RNF207: variants seen among roughly 807,000 people sequenced by gnomAD.
The protein encoded by RNF207 is OTTHUMG00000001089.
Under a neutral mutation model 79.0 loss-of-function variants are expected in RNF207, and 72 were observed. The observed-to-expected ratio is 0.91, with a 90% CI of 0.75 to 1.11. RNF207 has a LOEUF of 1.11. Ranked by LOEUF, RNF207 falls within the 50% of genes least tolerant of loss-of-function variation. The pLI is 0.00. For missense variants in RNF207, 936 were observed against 855.8 expected (o/e 1.09, Z -1.17); for synonymous variants, 348 against 366.2 (o/e 0.95, Z 0.57).
At position 6,212,079 on chromosome 1, in the gene RNF207, G is replaced by C. The variant is rs753245613; in HGVS notation, c.1296+26G>C. The C allele has an allele frequency of 3.9e-5, 62 of 1,577,150 alleles. 1 individual carries two copies. Among genetic ancestry groups the C allele is most frequent in the Admixed American group, 1.6e-4 (9 of 56,346 alleles). ...GTGAGGGGGCAGGGATCTGCCGGAG[G>C]GGGGAGATGTCCTAACCCACTCCTC... On this transcript the variant is annotated intron_variant, in intron 13 of 17. Transcript: ENST00000377939.
Position 6,207,415 on chromosome 1 carries a change from G to A in RNF207, c.228G>A (p.Pro76=), listed in dbSNP as rs1407778273. Residue 76 remains proline, a synonymous_variant, in exon 3 of 18, where the codon CCG becomes CCA. Coordinates refer to ENST00000377939, the MANE Select transcript of RNF207 (RefSeq NM_207396.3). The surrounding 1 kb of genome is among the most constrained non-coding windows in gnomAD (Gnocchi z 4.5). ...QTVLKGPSGL[P]PVDRLLQFLV... ...TGCTGAAGGGTCCCAGCGGGCTCCCGCCGGTGGACCGGCTGCTGCAGTTCC... is the reference window on the plus strand; with the variant it reads ...TGCTGAAGGGTCCCAGCGGGCTCCCACCGGTGGACCGGCTGCTGCAGTTCC... 6.4e-6 allele frequency: 10 copies of A among 1,550,542 alleles called. No homozygotes were observed. Among genetic ancestry groups the A allele is most frequent in the Middle Eastern group, 2.2e-4 (1 of 4,480 alleles).
At chr1:6,216,413 C>T (rs918862744) in intron 16 of RNF207, among the ~76,000 whole-genome samples, 1 of 152,182 alleles carries the variant, frequency 6.6e-6, no homozygotes, top group South Asian at 2.1e-4. Context: ...TGGATGTCTG[C>T]AGTTGCTCCC....
At position 6,207,932 on chromosome 1, in the gene RNF207, G is replaced by C. The variant is rs1329695341; in HGVS notation, c.324+421G>C. ...TCCCTCTGGGCTGTAAAAGGCACAGGGGACTCTGGCCTGCGGAGGCCAGAA... is the reference window on the plus strand; with the variant it reads ...TCCCTCTGGGCTGTAAAAGGCACAGCGGACTCTGGCCTGCGGAGGCCAGAA... On this transcript the variant is annotated intron_variant, in intron 3 of 17. Transcript: ENST00000377939. This position sits in a 1 kb window ranked among gnomAD's most constrained non-coding sequence, Gnocchi z 4.5. 2 of 351,924 alleles carry C rather than the reference G, an allele frequency of 5.7e-6. No homozygotes were observed. The highest frequency in any genetic ancestry group is 1.1e-5 in the Non-Finnish European group (2 of 176,848). 21.8% of individuals were successfully genotyped at this position (351,924 alleles called of 1,614,324 possible). A position where few individuals can be genotyped will look rare whatever the true frequency, so the allele number is the denominator to read the frequency against.
chr1:6,210,618 T>C, intron 10 of RNF207, 180 bp downstream of exon 10: 2 of 631,912 alleles, frequency 3.2e-6, no homozygotes, highest in Non-Finnish European at 5.5e-6. Flanking sequence ...ACAAGGACAG[T>C]GAAGCCAGGA....
chr1:6,219,124 A>T, intron 17 of RNF207, 112 bp from the exon 18 acceptor site: 1 of 909,436 alleles, frequency 1.1e-6, no homozygotes, highest in Non-Finnish European at 1.7e-6. Flanking sequence ...TCACTCACTG[A>T]GGCCTTCCAG....
chr1:6,211,071 G>A lies in RNF207; in HGVS notation c.1062G>A (p.Leu354=). The A allele has an allele frequency of 2.5e-6, 4 of 1,607,078 alleles. No homozygotes were observed. Among genetic ancestry groups the A allele is most frequent in the Non-Finnish European group, 3.4e-6 (4 of 1,179,134 alleles). The change falls in exon 12 of 18, where the codon CTG becomes CTA. Residue 354 remains leucine, a synonymous_variant. Transcript: ENST00000377939. The surrounding 1 kb of genome is among the most constrained non-coding windows in gnomAD (Gnocchi z 4.2). ...AEFARCLEPL[L]LLGPRRVAAA... is the part of the protein sequence containing the mutation. ...TCGCGCGCTGTCTGGAGCCACTGCT[G>A]CTGCTGGGGCCACGTCGGGTGGCAG...
rs552508881 is a variant in RNF207, at chr1:6,211,119, G to A, written c.1109+1G>A. ...CAGCTGCTGCAAGTGGTGCTAACAC[G>A]TGAGCAGCAACCGGGGAGGCCAGGC... On this transcript the variant is annotated splice_donor_variant, in intron 12 of 17. Coordinates refer to ENST00000377939, the MANE Select transcript of RNF207 (RefSeq NM_207396.3). LOFTEE classifies it high-confidence loss of function. The surrounding 1 kb of genome is among the most constrained non-coding windows in gnomAD (Gnocchi z 4.2). The A allele has an allele frequency of 7.6e-6, 12 of 1,581,278 alleles. No homozygotes were observed. The highest frequency in any genetic ancestry group is 4.5e-5 in the East Asian group (2 of 44,096).
Position 6,209,409 on chromosome 1 carries a change from C to T in RNF207, c.628-5C>T. 1 of 1,522,956 alleles carries T rather than the reference C, an allele frequency of 6.6e-7. No homozygotes were observed. The highest frequency in any genetic ancestry group is 1.2e-5 in the South Asian group (1 of 81,834). The allele number at this position is 1,522,956 out of a possible 1,614,324, so 94.3% of individuals were successfully genotyped here. ...ATCGCGAGCCTGACCACGCCCTGTC[C>T]CCAGGCCGTGAAGGCCCTGCAGACG... On this transcript the variant is annotated splice_region_variant and splice_polypyrimidine_tract_variant and intron_variant, in intron 6 of 17. Coordinates refer to ENST00000377939, the MANE Select transcript of RNF207 (RefSeq NM_207396.3).
chr1:6,214,683 G>T (rs917397648), intron 16 of RNF207, among the ~76,000 whole-genome samples: 12 of 134,288 alleles, frequency 8.9e-5, no homozygotes, highest in African/African-American at 3.6e-4. Flanking sequence ...TTACCAGGCT[G>T]GAGTGCAGTG....
At position 6,220,200 on chromosome 1, in the gene RNF207, G is replaced by A. The variant is rs967340375; in HGVS notation, c.*793G>A. On this transcript the variant is annotated 3_prime_UTR_variant, in exon 18 of 18. Coordinates refer to ENST00000377939, the MANE Select transcript of RNF207 (RefSeq NM_207396.3). ...GGCTTGGGCAGTTTTGATTTTCCCC[G>A]TGTTTGCATGGCATGAAGTCTTCGT... 3.3e-5 allele frequency: 5 copies of A among 152,168 alleles called. No homozygotes were observed. The highest frequency in any genetic ancestry group is 1.2e-4 in the African/African-American group (5 of 41,434). The allele number at this position is 152,168 out of a possible 1,614,324, so 9.4% of individuals were successfully genotyped here. A position where few individuals can be genotyped will look rare whatever the true frequency, so the allele number is the denominator to read the frequency against.
At chr1:6,208,553 C>G (rs541743211) in intron 3 of RNF207, 3 of 306,554 alleles carry the variant, frequency 9.8e-6, no homozygotes. Context: ...GTGATCCGCC[C>G]GCCTCGGCCT....
chr1:6,208,658 C>T (rs1007256351), intron 3 of RNF207: 4 of 540,804 alleles, frequency 7.4e-6, no homozygotes, highest in African/African-American at 2.1e-5. Flanking sequence ...GCGTCCCCCA[C>T]CCCCCTCCAC....
At chr1:6,210,068 A>T in intron 8 of RNF207, 98 bp downstream of exon 8, 1 of 1,366,738 alleles carries the variant, frequency 7.3e-7, no homozygotes, top group East Asian at 2.3e-5. Flanking sequence ...GAGGAGCAAG[A>T]CATCCGAATG....
rs1668478335 is a variant in RNF207 at position 6,219,510 on chromosome 1, T to C, written c.*103T>C. 3.4e-6 allele frequency: 3 copies of C among 875,316 alleles called. No homozygotes were observed. In the African/African-American group the frequency reaches 5.1e-5, roughly 15 times the overall value. The allele number at this position is 875,316 out of a possible 1,614,324, so 54.2% of individuals were successfully genotyped here. On this transcript the variant is annotated 3_prime_UTR_variant, in exon 18 of 18. Coordinates refer to ENST00000377939, the MANE Select transcript of RNF207 (RefSeq NM_207396.3). ...GATGGTTTTTTTTATTTTTTATTTTTGAGATGGAGTTTCGCTCTGTTGCCC... is the reference window on the plus strand; with the variant it reads ...GATGGTTTTTTTTATTTTTTATTTTCGAGATGGAGTTTCGCTCTGTTGCCC...
At chr1:6,212,884 C>A in intron 15 of RNF207, 151 bp downstream of exon 15, 1 of 804,892 alleles carries the variant, frequency 1.2e-6, no homozygotes, top group South Asian at 1.5e-5. Context: ...TGCTAACTGG[C>A]CTCAAATGAT....
At position 6,209,095 on chromosome 1, in the gene RNF207, A is replaced by G. The variant is rs1476146218; in HGVS notation, c.470-20A>G. On this transcript the variant is annotated intron_variant, in intron 4 of 17. Transcript: ENST00000377939. Reference sequence around the variant, plus strand: ...GCGGGCACTGACCGGAGCCCTCACCACCGCCCGCCGCCCCCGCAGCGCTGC... The same window carrying G: ...GCGGGCACTGACCGGAGCCCTCACCGCCGCCCGCCGCCCCCGCAGCGCTGC... 3.9e-6 allele frequency: 6 copies of G among 1,548,398 alleles called. No homozygotes were observed. The highest frequency in any genetic ancestry group is 2.4e-5 in the East Asian group (1 of 40,902).
chr1:6,208,583 A>G (rs1040133994), intron 3 of RNF207: 4 of 392,014 alleles, frequency 1.0e-5, no homozygotes, highest in African/African-American at 6.5e-5. Flanking sequence ...TTGGGATTAC[A>G]GGCGTGAGCC....
chr1:6,218,491 CTT>C (rs1668439745), intron 17 of RNF207, 122 bp downstream of exon 17: 3 of 677,950 alleles, frequency 4.4e-6, no homozygotes, highest in Non-Finnish European at 7.6e-6. Flanking sequence ...GGCTGGGCCT[CTT>C]TGTAAAACAA....
chr1:6,209,509 C>A lies in RNF207; in HGVS notation c.723C>A (p.Asp241Glu). 6.8e-7 allele frequency: 1 copy of A among 1,474,178 alleles called. No homozygotes were observed. The highest frequency in any genetic ancestry group is 1.4e-5 in the African/African-American group (1 of 69,246). The allele number at this position is 1,474,178 out of a possible 1,614,324, so 91.3% of individuals were successfully genotyped here. A position where few individuals can be genotyped will look rare whatever the true frequency, so the allele number is the denominator to read the frequency against. Residue 241 changes from aspartate (D) to glutamate (E), a missense_variant, in exon 7 of 18, where the codon GAC (aspartate) becomes GAA (glutamate). By Grantham distance (45) the Asp-to-Glu change is conservative. Coordinates refer to ENST00000377939, the MANE Select transcript of RNF207 (RefSeq NM_207396.3). ...EVRHSAAEEE[D>E]AIHALFGSMQ... ...GGCACAGCGCCGCCGAGGAGGAGGA[C>A]GCTATCCACGCCCTCTTCGGCAGCA...
Sources: allele counts gnomAD v4.1 joint callset (sites outside exome capture counted in the v4.1 genomes callset), GRCh38; gene constraint gnomAD v4.1.1; non-coding constraint Gnocchi (gnomAD v3.1); transcripts MANE v1.5; gene names NCBI Gene and HGNC (gene_info 2026-07-23, HGNC 2026-07-21).